Variants in UBR4 observed in about 807,000 individuals in gnomAD.
UBR4 encodes E3 ubiquitin-protein ligase UBR4.
Under a neutral mutation model 575.6 loss-of-function variants are expected in UBR4, and 124 were observed. The observed-to-expected ratio is 0.22, with a 90% CI of 0.19 to 0.25. The LOEUF is 0.25. Ranked by LOEUF, UBR4 falls within the 10% of genes least tolerant of loss-of-function variation. The pLI is 1.00. For missense variants in UBR4, 4,818 were observed against 6,478.8 expected (o/e 0.74, Z 8.80); for synonymous variants, 2,455 against 2,473.7 (o/e 0.99, Z 0.22).
intron 103 of UBR4, 35 bp downstream of exon 103, chr1:19,081,314 A>G (rs775821221): frequency 1.6e-5 from 24 of 1,528,386 alleles, no homozygotes; most frequent in Non-Finnish European, 2.1e-5. Flanking sequence ...ATGATGGGAA[A>G]TAGTGAGCAG....
In UBR4 at chr1:19,177,541, G is replaced by T. The variant is rs772295711; in HGVS notation, c.2557C>A (p.Leu853Ile). Residue 853 changes from leucine (L) to isoleucine (I), a missense_variant, in exon 19 of 106, where the codon CTT becomes ATT. By Grantham distance (5) the Leu-to-Ile change is conservative. Transcript: ENST00000375254. The part of the protein sequence containing the change: ...NMDAQMRFVP[L>I]ILARLLLIFD... ...ATGAGAAGGAGGCGAGCCAAGATAA[G>T]CGGCACGAAGCGCATCTGAGCATCC... The T allele has an allele frequency of 8.7e-6, 14 of 1,613,966 alleles. No homozygotes were observed. The highest frequency in any genetic ancestry group is 1.1e-5 in the South Asian group (1 of 91,072).
chr1:19,209,872 A>C (rs534765103), intron 1 of UBR4, among the ~76,000 whole-genome samples: 160 of 152,284 alleles, frequency 1.1e-3, no homozygotes, highest in Non-Finnish European at 1.9e-3. Flanking sequence ...GAGAGGGGAA[A>C]CTGAGGTAGA....
At chr1:19,148,311 T>A (rs1430381956) in intron 50 of UBR4, among the ~76,000 whole-genome samples, 184 bp from the exon 51 acceptor site, 1 of 151,912 alleles carries the variant, frequency 6.6e-6, no homozygotes, top group African/African-American at 2.4e-5. Flanking sequence ...GAGGAAGACA[T>A]GGAATCCAAG....
chr1:19,133,992 T>C (rs1233942488), intron 60 of UBR4, among the ~76,000 whole-genome samples: 1 of 150,058 alleles, frequency 6.7e-6, no homozygotes, highest in African/African-American at 2.5e-5. Context: ...AGGCTGAGGC[T>C]TGAGAATTGC....
chr1:19,099,277 C>T (rs1391549530), intron 90 of UBR4, among the ~76,000 whole-genome samples: 1 of 152,202 alleles, frequency 6.6e-6, no homozygotes, highest in Non-Finnish European at 1.5e-5. Flanking sequence ...GGGAACAAGA[C>T]AGCAAGCATT....
chr1:19,148,659 C>T (rs1027587559), intron 49 of UBR4, 33 bp from the exon 50 acceptor site: 1 of 1,612,868 alleles, frequency 6.2e-7, no homozygotes, highest in Non-Finnish European at 8.5e-7. Flanking sequence ...TTGAGTACAA[C>T]ACCGTTCTCT....
chr1:19,150,921 C>A, intron 48 of UBR4, 128 bp from the exon 49 acceptor site: 1 of 918,250 alleles, frequency 1.1e-6, no homozygotes, highest in South Asian at 1.6e-5. Context: ...GAAACTTTAT[C>A]TTCTGAGATA....
At chr1:19,204,737 T>C (rs945332358) in intron 1 of UBR4, among the ~76,000 whole-genome samples, 5 of 151,816 alleles carry the variant, frequency 3.3e-5, no homozygotes, top group Non-Finnish European at 7.4e-5. Context: ...TAATGTGCAC[T>C]GGGCAACTAA....
At chr1:19,168,567 C>T (rs2088909133) in intron 27 of UBR4, among the ~76,000 whole-genome samples, 1 of 152,090 alleles carries the variant, frequency 6.6e-6, no homozygotes, top group Non-Finnish European at 1.5e-5. Context: ...GATCATAAAG[C>T]AGGGATAACA....
intron 62 of UBR4, 64 bp from the exon 63 acceptor site, chr1:19,127,803 A>G: frequency 7.4e-7 from 1 of 1,355,606 alleles, no homozygotes; most frequent in Non-Finnish European, 1.1e-6. Context: ...TCCTCTGAAC[A>G]AGATCCCTTC....
In UBR4 at chr1:19,140,650, A is replaced by T. The variant is rs942700127; in HGVS notation, c.8593+138T>A. ...CCACAGCACTACACCCTCCACACCCATCTTTCTAAAGCCAAGGCAGAAGCA... is the reference window on the plus strand; with the variant it reads ...CCACAGCACTACACCCTCCACACCCTTCTTTCTAAAGCCAAGGCAGAAGCA... On this transcript the variant is annotated intron_variant, in intron 58 of 105. Transcript: ENST00000375254. 5 of 864,644 alleles carry T rather than the reference A, an allele frequency of 5.8e-6. No individual in the cohort carries two copies. In the African/African-American group the frequency reaches 8.4e-5, roughly 14 times the overall value. 53.6% of individuals were successfully genotyped at this position (864,644 alleles called of 1,614,324 possible).
intron 2 of UBR4, among the ~76,000 whole-genome samples, chr1:19,201,258 A>C (rs1197106999): frequency 2.6e-5 from 4 of 152,226 alleles, no homozygotes; most frequent in Non-Finnish European, 5.9e-5. Flanking sequence ...TAGAAAAATG[A>C]AGAAAATGGA....
chr1:19,149,678 G>T, intron 49 of UBR4: 3 of 1,167,982 alleles, frequency 2.6e-6, no homozygotes, highest in Non-Finnish European at 3.4e-6. Context: ...AACAGAAGCA[G>T]AATCAATGCA....
chr1:19,086,614 C>T (rs538200109), intron 100 of UBR4, 65 bp downstream of exon 100: 2 of 1,589,074 alleles, frequency 1.3e-6, no homozygotes, highest in African/African-American at 2.7e-5. Context: ...GGATGGCAGT[C>T]CCACCCGCTC....
Position 19,152,378 on chromosome 1 carries a change from C to A in UBR4, c.6931G>T (p.Val2311Phe). The change falls in exon 47 of 106, where the codon GTC (valine) becomes TTC (phenylalanine). Residue 2311 changes from valine (V) to phenylalanine (F), a missense_variant. Around this residue, in one of 29 missense-constraint regions of UBR4, gnomAD observed 461 missense variants for 606.9 expected, o/e 0.76. Transcript: ENST00000375254. This position sits in a 1 kb window ranked among gnomAD's most constrained non-coding sequence, Gnocchi z 4.4. ...VEFGGNDLLQ[V>F]YNAQQIKHRL... Reference sequence around the variant, plus strand: ...TGTTTTATCTGTTGTGCATTATAGACCTGTAGGAGGTCGTTACCACCAAAC... The same window carrying A: ...TGTTTTATCTGTTGTGCATTATAGAACTGTAGGAGGTCGTTACCACCAAAC... 1.9e-6 allele frequency: 3 copies of A among 1,613,934 alleles called. No individual in the cohort carries two copies. The highest frequency in any genetic ancestry group is 1.7e-6 in the Non-Finnish European group (2 of 1,179,860).
Position 19,198,849 on chromosome 1 carries a change from G to C in UBR4, c.458C>G (p.Ala153Gly). ...GGGCAGCTTGGCGGATTTCATCATT[G>C]CTGTAAATGTGATAATTTCAGTTCT... is the stretch of plus-strand genomic sequence containing the variant. ...LDRTEIITFT[A>G]MMKSAKLPQT... The change falls in exon 4 of 106, where the codon GCA becomes GGA. Residue 153 changes from alanine to glycine, a missense_variant. Around this residue, in one of 29 missense-constraint regions of UBR4, gnomAD observed 85 missense variants for 134.2 expected, o/e 0.63. Transcript: ENST00000375254. 1 of 1,614,236 alleles carries C rather than the reference G, an allele frequency of 6.2e-7. No homozygotes were observed. Among genetic ancestry groups the C allele is most frequent in the Non-Finnish European group, 8.5e-7 (1 of 1,180,042 alleles).
At chr1:19,163,619 A>G in intron 34 of UBR4, 145 bp downstream of exon 34, 1 of 943,028 alleles carries the variant, frequency 1.1e-6, no homozygotes, top group South Asian at 1.4e-5. Context: ...GCAACTACAT[A>G]TTTCCAGTCT....
In UBR4 at chr1:19,087,849, C is replaced by T. The variant is rs773191349; in HGVS notation, c.14511G>A (p.Thr4837=). The T allele has an allele frequency of 1.9e-5, 31 of 1,611,498 alleles. No individual in the cohort carries two copies. In the South Asian group the frequency reaches 2.2e-4, roughly 11 times the overall value. ...TGTATCCCTCCCTGCAGATGCAGCA[C>T]GTGAGGCCAGGCTCCTCGATCAGCT... ...MEELIEEPGL[T]CCICREGYKF... Residue 4837 remains threonine (T), a synonymous_variant, in exon 99 of 106, where the codon ACG becomes ACA. Transcript: ENST00000375254.
intron 60 of UBR4, among the ~76,000 whole-genome samples, chr1:19,136,908 G>A (rs530777934): frequency 4.1e-4 from 62 of 152,208 alleles, no homozygotes; most frequent in African/African-American, 1.4e-3. Flanking sequence ...AGTAGGATTC[G>A]GGGAACGTGG....
Sources: gnomAD v4.1 joint callset for allele counts (sites outside exome capture counted in the v4.1 genomes callset) on GRCh38, gnomAD v4.1.1 for gene constraint, gnomAD v4.1.1 regional missense constraint, Gnocchi (gnomAD v3.1) non-coding constraint, MANE v1.5 for transcripts, NCBI Gene and HGNC (gene_info 2026-07-23, HGNC 2026-07-21) for gene names.